IPCEF1: variants seen among roughly 807,000 people sequenced by gnomAD.
IPCEF1 encodes the protein interaction protein for cytohesin exchange factors 1, also known as interactor protein for cytohesin exchange factors 1.
Under a neutral mutation model 50.9 loss-of-function variants are expected in IPCEF1, and 31 were observed. That is an observed-to-expected ratio of 0.61 (90% CI 0.46 to 0.82). The LOEUF is 0.82. IPCEF1 is among the 40% of genes least tolerant of loss of function. The pLI is 0.00. For missense variants in IPCEF1, 458 were observed against 514.0 expected (o/e 0.89, Z 1.05); for synonymous variants, 181 against 192.0 (o/e 0.94, Z 0.47).
chr6:154,337,723 T>C (rs1783818000), intron 1 of IPCEF1, among the ~76,000 whole-genome samples: 1 of 152,210 alleles, frequency 6.6e-6, no homozygotes, highest in South Asian at 2.1e-4. Context: ...GAAACAAAGC[T>C]ATTTTCACCT....
At chr6:154,246,494 C>T in intron 5 of IPCEF1, 97 bp downstream of exon 5, 3 of 1,377,446 alleles carry the variant, frequency 2.2e-6, no homozygotes, top group Non-Finnish European at 2.0e-6. Context: ...CTCCAATTCC[C>T]AGAAATCAAA....
chr6:154,273,653 T>C lies in IPCEF1; in HGVS notation c.-17-7689A>G, dbSNP rs1005148745. 2.0e-5 allele frequency among the ~76,000 whole-genome samples: 3 copies of C among 151,500 alleles called. 1 individual carries two copies. The highest frequency in any genetic ancestry group is 7.3e-5 in the African/African-American group (3 of 41,240). On this transcript the variant is annotated intron_variant, in intron 2 of 11. Transcript: ENST00000367220. ...TGGGGTTGTGACTTTGTTCAGGAACTTTATGAAGGAGAAAGTAGCTTCATC... is the reference window on the plus strand; with the variant it reads ...TGGGGTTGTGACTTTGTTCAGGAACCTTATGAAGGAGAAAGTAGCTTCATC...
chr6:154,340,248 A>T (rs1783881671), intron 1 of IPCEF1, among the ~76,000 whole-genome samples: 1 of 79,574 alleles, frequency 1.3e-5, no homozygotes. Flanking sequence ...TTTTTAATTT[A>T]TTATTATTAT....
At position 154,212,890 on chromosome 6, in the gene IPCEF1, G is replaced by A. The variant is rs765160788; in HGVS notation, c.452-35C>T. 64 of 1,369,054 alleles carry A rather than the reference G, an allele frequency of 4.7e-5. No homozygotes were observed. The Middle Eastern group carries it at 5.3e-4, about 11-fold the overall frequency. 84.8% of individuals were successfully genotyped at this position (1,369,054 alleles called of 1,614,324 possible). A position where few individuals can be genotyped will look rare whatever the true frequency, so the allele number is the denominator to read the frequency against. Reference sequence around the variant, plus strand: ...AAATGAAAATGCTTAATGTTTTAACGCTGTCATCGCTTATTCCATAATGCA... The same window carrying A: ...AAATGAAAATGCTTAATGTTTTAACACTGTCATCGCTTATTCCATAATGCA... On this transcript the variant is annotated intron_variant, in intron 8 of 11. Coordinates refer to ENST00000367220, the MANE Select transcript of IPCEF1 (RefSeq NM_001130700.2).
intron 2 of IPCEF1, among the ~76,000 whole-genome samples, chr6:154,273,802 G>GGAGT (rs990713671): frequency 8.5e-6 from 1 of 117,764 alleles, no homozygotes; most frequent in Non-Finnish European, 1.6e-5. Flanking sequence ...CGCCCAGGCT[G>GGAGT]GAGTGCAGTG....
At chr6:154,290,018 GT>G (rs1358919840) in intron 1 of IPCEF1, among the ~76,000 whole-genome samples, 1 of 152,186 alleles carries the variant, frequency 6.6e-6, no homozygotes, top group Non-Finnish European at 1.5e-5. Context: ...TGGTCAGGTA[GT>G]TGTTAAACTG....
intron 10 of IPCEF1, among the ~76,000 whole-genome samples, chr6:154,194,758 C>A (rs1776447311): frequency 6.6e-6 from 1 of 151,946 alleles, no homozygotes; most frequent in Non-Finnish European, 1.5e-5. Context: ...CTGCAGGTAA[C>A]CTAATCAGCA....
At chr6:154,194,413 T>C (rs1332754415) in intron 10 of IPCEF1, among the ~76,000 whole-genome samples, 1 of 151,788 alleles carries the variant, frequency 6.6e-6, no homozygotes, top group Non-Finnish European at 1.5e-5. Context: ...TAAAATAAAA[T>C]CCTCACCTCT....
chr6:154,163,821 G>A (rs1734394950), intron 11 of IPCEF1, among the ~76,000 whole-genome samples: 1 of 152,096 alleles, frequency 6.6e-6, no homozygotes, highest in Non-Finnish European at 1.5e-5. Context: ...TAGATCAATA[G>A]CTGGATAGAT....
intron 1 of IPCEF1, among the ~76,000 whole-genome samples, chr6:154,346,934 T>C (rs1784042273): frequency 6.6e-6 from 1 of 152,198 alleles, no homozygotes; most frequent in South Asian, 2.1e-4. Context: ...CCTTCCTATT[T>C]TTTAATCTCT....
intron 10 of IPCEF1, among the ~76,000 whole-genome samples, chr6:154,195,028 C>T (rs1010599198): frequency 2.0e-5 from 3 of 152,132 alleles, no homozygotes; most frequent in Non-Finnish European, 4.4e-5. Flanking sequence ...TCTCCCCTTC[C>T]TTCCCGTCTC....
In IPCEF1 at chr6:154,286,129, G is replaced by C. The variant is rs556834544; in HGVS notation, c.-18+3584C>G. Among the ~76,000 whole-genome samples, 25 of 152,150 alleles carry C rather than the reference G, an allele frequency of 1.6e-4. 2 individuals are homozygous for C. In the South Asian group the frequency reaches 4.6e-3, roughly 28 times the overall value. ...TGTGAATGAAAACTAAATATGAACT[G>C]TTTGCTCCCACTACACACCCTTGAA... On this transcript the variant is annotated intron_variant, in intron 2 of 11. Transcript: ENST00000367220.
chr6:154,214,219 T>A lies in IPCEF1; in HGVS notation c.450A>T (p.Glu150Asp). 2 of 1,596,182 alleles carry A rather than the reference T, an allele frequency of 1.3e-6. No individual in the cohort carries two copies. Among genetic ancestry groups the A allele is most frequent in the Non-Finnish European group, 1.7e-6 (2 of 1,163,646 alleles). Residue 150 changes from glutamate (E) to aspartate (D), a missense_variant and splice_region_variant, in exon 8 of 12, where the codon GAA becomes GAT. Glu to Asp is a conservative substitution (Grantham distance 45, BLOSUM62 2). Transcript: ENST00000367220. ...TCAGAAATTTAAAATAGAACATACC[T>A]TCATCCTTTGTAGTGGATTCCTGAT... ...VIHQESTTKD[E>D]ECYSESEQED...
At chr6:154,318,485 C>T (rs1163485138) in intron 1 of IPCEF1, among the ~76,000 whole-genome samples, 3 of 152,188 alleles carry the variant, frequency 2.0e-5, no homozygotes, top group Non-Finnish European at 4.4e-5. Flanking sequence ...CAGATTGGGA[C>T]CGAGATGGAA....
chr6:154,286,427 A>C (rs1232590951), intron 2 of IPCEF1, among the ~76,000 whole-genome samples: 2 of 152,256 alleles, frequency 1.3e-5, no homozygotes, highest in Non-Finnish European at 2.9e-5. Flanking sequence ...AGATTCCTTT[A>C]GTATTGCTTA....
chr6:154,238,647 C>T (rs1780333382), intron 5 of IPCEF1, among the ~76,000 whole-genome samples: 1 of 152,102 alleles, frequency 6.6e-6, no homozygotes, highest in Admixed American at 6.5e-5. Context: ...TCGCTTACTT[C>T]TATTTTCAAA....
At position 154,265,952 on chromosome 6, in the gene IPCEF1, G is replaced by A; in HGVS notation, c.-5C>T. 1 of 1,596,584 alleles carries A rather than the reference G, an allele frequency of 6.3e-7. No homozygotes were observed. The highest frequency in any genetic ancestry group is 8.6e-7 in the Non-Finnish European group (1 of 1,169,278). ...AATAGCCATGTATGATGTCATCTTA[G>A]TAGAAACAAAAGCTAGAAGAGAAAA... is the stretch of plus-strand genomic sequence containing the variant. On this transcript the variant is annotated 5_prime_UTR_variant, in exon 3 of 12. Transcript: ENST00000367220.
chr6:154,246,935 C>CAAAAAAAAAAAAAAA, intron 4 of IPCEF1, 175 bp from the exon 5 acceptor site: 1 of 238,152 alleles, frequency 4.2e-6, no homozygotes, highest in Non-Finnish European at 7.1e-6. Context: ...AAAACCAATG[C>CAAAAAAAAAAAAAAA]AAAAAAAAAA....
intron 9 of IPCEF1, among the ~76,000 whole-genome samples, chr6:154,202,436 T>C (rs1777147568): frequency 6.6e-6 from 1 of 152,174 alleles, no homozygotes; most frequent in Non-Finnish European, 1.5e-5. Context: ...GTTAGCAGGA[T>C]CTACAAAATA....
Sources: gnomAD v4.1 joint callset for allele counts (sites outside exome capture counted in the v4.1 genomes callset) on GRCh38, gnomAD v4.1.1 for gene constraint, MANE v1.5 for transcripts, NCBI Gene and HGNC (gene_info 2026-07-23, HGNC 2026-07-21) for gene names.